CYTH3: variants seen among roughly 807,000 people sequenced by gnomAD.
CYTH3 encodes cytohesin 3.
In CYTH3, 23 loss-of-function variants were observed where a neutral mutation model predicts 55.1. That is an observed-to-expected ratio of 0.42 (90% confidence interval 0.30 to 0.59). The LOEUF (loss-of-function observed/expected upper bound fraction) is 0.59, where lower values mean the gene tolerates loss of function less well. Ranked by LOEUF, CYTH3 falls within the 20% of genes least tolerant of loss-of-function variation. The pLI, the probability that CYTH3 is intolerant of heterozygous loss-of-function variation, is 0.20. For missense variants in CYTH3, 413 were observed against 524.8 expected (o/e 0.79, Z 2.08); for synonymous variants, 249 against 194.9 (o/e 1.28, Z -2.31).
At chr7:6,266,030 T>C (rs1780483197) in intron 1 of CYTH3, among the ~76,000 whole-genome samples, 1 of 152,212 alleles carries the variant, frequency 6.6e-6, no homozygotes, top group African/African-American at 2.4e-5. Flanking sequence ...TTATTCTTTG[T>C]ACTTTTCTGT....
chr7:6,241,409 T>A (rs6969795), intron 1 of CYTH3, among the ~76,000 whole-genome samples: 2,668 of 152,300 alleles, frequency 0.018, 92 homozygotes, highest in African/African-American at 0.062. Context: ...ATCCGAAAGT[T>A]TGACAGACTA....
At chr7:6,259,799 A>AATATATATATATAATATATATATATAT in intron 1 of CYTH3, among the ~76,000 whole-genome samples, 1 of 24,980 alleles carries the variant, frequency 4.0e-5, no homozygotes, top group Admixed American at 6.7e-4. Flanking sequence ...ATATATATAT[A>AATATATATATATAATATATATATATAT]TATATATATA....
At chr7:6,231,408 T>A (rs1021780197) in intron 1 of CYTH3, among the ~76,000 whole-genome samples, 8 of 152,284 alleles carry the variant, frequency 5.3e-5, no homozygotes, top group African/African-American at 1.9e-4. Flanking sequence ...CAGAGCCTGC[T>A]CACAGCTCAG....
chr7:6,163,693 G>A lies in CYTH3; in HGVS notation c.*1251C>T, dbSNP rs897347999. 2 of 152,214 alleles carry A rather than the reference G, an allele frequency of 1.3e-5. No homozygotes were observed. The highest frequency in any genetic ancestry group is 2.1e-4 in the South Asian group (1 of 4,834). 9.4% of individuals were successfully genotyped at this position (152,214 alleles called of 1,614,324 possible). A position where few individuals can be genotyped will look rare whatever the true frequency, so the allele number is the denominator to read the frequency against. On this transcript the variant is annotated 3_prime_UTR_variant, in exon 13 of 13. Coordinates refer to ENST00000350796, the MANE Select transcript of CYTH3 (RefSeq NM_004227.4). Reference sequence around the variant, plus strand: ...CGTCTATCTGGGTTCTCTACGTGCCGGGCCTCTGCACCCCAGGGCCTGTTC... The same window carrying A: ...CGTCTATCTGGGTTCTCTACGTGCCAGGCCTCTGCACCCCAGGGCCTGTTC...
intron 1 of CYTH3, among the ~76,000 whole-genome samples, chr7:6,256,716 G>A (rs1420951175): frequency 6.6e-6 from 1 of 152,132 alleles, no homozygotes; most frequent in Non-Finnish European, 1.5e-5. Flanking sequence ...CTTTCCAGAT[G>A]AAAAAAATTA....
chr7:6,204,079 GA>G (rs1448940399), intron 1 of CYTH3, among the ~76,000 whole-genome samples: 2 of 150,546 alleles, frequency 1.3e-5, no homozygotes, highest in Admixed American at 6.6e-5. Context: ...ATATTAAGTT[GA>G]AAAAAAATCA....
At chr7:6,189,241 C>G (rs1783736615) in intron 2 of CYTH3, among the ~76,000 whole-genome samples, 2 of 152,302 alleles carry the variant, frequency 1.3e-5, no homozygotes, top group South Asian at 4.1e-4. Flanking sequence ...CGCCCTCTAC[C>G]CCATCCTCTG....
chr7:6,170,799 G>A lies in CYTH3; in HGVS notation c.711+31C>T, dbSNP rs1481680786. 3 of 1,597,350 alleles carry A rather than the reference G, an allele frequency of 1.9e-6. No homozygotes were observed. The highest frequency in any genetic ancestry group is 1.7e-5 in the Admixed American group (1 of 58,132). On this transcript the variant is annotated intron_variant, in intron 8 of 12. Coordinates refer to ENST00000350796, the MANE Select transcript of CYTH3 (RefSeq NM_004227.4). This position sits in a 1 kb window ranked among gnomAD's most constrained non-coding sequence, Gnocchi z 7.8. Reference sequence around the variant, plus strand: ...CCGCTCACAGCGAAGAGATCCTGCAGACGGCAGCGGCCGCGGGCCGGGGAG... The same window carrying A: ...CCGCTCACAGCGAAGAGATCCTGCAAACGGCAGCGGCCGCGGGCCGGGGAG...
In CYTH3 at chr7:6,272,618, G is replaced by A. The variant is rs1481831915; in HGVS notation, c.-111C>T. On this transcript the variant is annotated 5_prime_UTR_variant, in exon 1 of 13. Coordinates refer to ENST00000350796, the MANE Select transcript of CYTH3 (RefSeq NM_004227.4). The stretch of plus-strand genomic sequence containing the variant: ...GCGACCGGGCGGCTCCTCAGCGCGC[G>A]GCCCGGGTCGCGGCCGGGCCTCCTC... 2 of 805,576 alleles carry A rather than the reference G, an allele frequency of 2.5e-6. No homozygotes were observed. The highest frequency in any genetic ancestry group is 3.1e-6 in the Non-Finnish European group (2 of 654,234). 49.9% of individuals were successfully genotyped at this position (805,576 alleles called of 1,614,324 possible).
chr7:6,240,106 G>T (rs947513112), intron 1 of CYTH3, among the ~76,000 whole-genome samples: 1 of 152,006 alleles, frequency 6.6e-6, no homozygotes, highest in African/African-American at 2.4e-5. Flanking sequence ...AGGAGTTCGA[G>T]ACCAGCCTGG....
chr7:6,199,987 A>G (rs1393007794), intron 1 of CYTH3, among the ~76,000 whole-genome samples: 1 of 152,226 alleles, frequency 6.6e-6, no homozygotes, highest in Non-Finnish European at 1.5e-5. Flanking sequence ...CAATAATATT[A>G]AGAAATTCAG....
rs2115043213 is a variant in CYTH3 at position 6,247,374 on chromosome 7, A to G, written c.34+25100T>C. On this transcript the variant is annotated intron_variant, in intron 1 of 12. Transcript: ENST00000350796. ...CTTGCTCTTTCTTGCTCTTCCCACTAATTTTATCTAAGGCAGAATGAGCTC... is the reference window on the plus strand; with the variant it reads ...CTTGCTCTTTCTTGCTCTTCCCACTGATTTTATCTAAGGCAGAATGAGCTC... 2.0e-5 allele frequency among the ~76,000 whole-genome samples: 3 copies of G among 152,152 alleles called. No homozygotes were observed. In the South Asian group the frequency reaches 6.2e-4, roughly 32 times the overall value.
chr7:6,203,596 G>A (rs1011320846), intron 1 of CYTH3, among the ~76,000 whole-genome samples: 1 of 152,156 alleles, frequency 6.6e-6, no homozygotes, highest in Non-Finnish European at 1.5e-5. Flanking sequence ...TAATGCCTTC[G>A]ATGGTGACAG....
chr7:6,168,660 C>T lies in CYTH3; in HGVS notation c.823+1875G>A, dbSNP rs1583730335. Among the ~76,000 whole-genome samples, 5 of 152,360 alleles carry T rather than the reference C, an allele frequency of 3.3e-5. No individual in the cohort carries two copies. The East Asian group carries it at 9.6e-4, about 29-fold the overall frequency. ...CCTGCGCTTGGCACCCGGCGCCCAG[C>T]CAGCTCTTGGTTCCCGTGAGCACTG... On this transcript the variant is annotated intron_variant, in intron 9 of 12. Transcript: ENST00000350796.
intron 1 of CYTH3, among the ~76,000 whole-genome samples, chr7:6,239,296 C>A (rs1028506086): frequency 6.6e-6 from 1 of 152,100 alleles, no homozygotes; most frequent in Non-Finnish European, 1.5e-5. Context: ...GAAGAGAAGA[C>A]GCAGCCCTTC....
chr7:6,263,323 C>T (rs1034901990), intron 1 of CYTH3, among the ~76,000 whole-genome samples: 2 of 152,234 alleles, frequency 1.3e-5, no homozygotes, highest in Non-Finnish European at 2.9e-5. Flanking sequence ...AATCACACTA[C>T]TCACAAGCCC....
At position 6,171,681 on chromosome 7, in the gene CYTH3, C is replaced by G. The variant is rs1299722603; in HGVS notation, c.450-367G>C. ...CCTGCCTGTCCCGAGCTGCCACCAGCCGGTCCTCCTTTCAGAACTCCCACA... is the reference window on the plus strand; with the variant it reads ...CCTGCCTGTCCCGAGCTGCCACCAGGCGGTCCTCCTTTCAGAACTCCCACA... On this transcript the variant is annotated intron_variant, in intron 6 of 12. Coordinates refer to ENST00000350796, the MANE Select transcript of CYTH3 (RefSeq NM_004227.4). The surrounding 1 kb of genome is among the most constrained non-coding windows in gnomAD (Gnocchi z 6.7). 7 of 261,150 alleles carry G rather than the reference C, an allele frequency of 2.7e-5. No individual in the cohort carries two copies. The highest frequency in any genetic ancestry group is 5.4e-5 in the Non-Finnish European group (7 of 128,668). The allele number at this position is 261,150 out of a possible 1,614,324, so 16.2% of individuals were successfully genotyped here. A position where few individuals can be genotyped will look rare whatever the true frequency, so the allele number is the denominator to read the frequency against.
chr7:6,263,309 G>A (rs188078973), intron 1 of CYTH3, among the ~76,000 whole-genome samples: 100 of 152,308 alleles, frequency 6.6e-4, no homozygotes, highest in African/African-American at 2.3e-3. Context: ...TTAGAATGCT[G>A]GGAAATCACA....
chr7:6,251,737 T>C (rs1779976738), intron 1 of CYTH3, among the ~76,000 whole-genome samples: 1 of 152,154 alleles, frequency 6.6e-6, no homozygotes. Flanking sequence ...AAAGAGCTTC[T>C]AAAAATAGAG....
Sources: allele counts gnomAD v4.1 joint callset (sites outside exome capture counted in the v4.1 genomes callset), GRCh38; gene constraint gnomAD v4.1.1; non-coding constraint Gnocchi (gnomAD v3.1); transcripts MANE v1.5; gene names NCBI Gene and HGNC (gene_info 2026-07-23, HGNC 2026-07-21).